MED13: variants seen among roughly 807,000 people sequenced by gnomAD.
MED13 encodes the protein mediator complex subunit 13, also known as mediator of RNA polymerase II transcription subunit 13.
MED13 carries 23 observed loss-of-function variants against 225.2 expected under a neutral mutation model. That is an observed-to-expected ratio of 0.10 (90% CI 0.07 to 0.14). MED13 has a LOEUF of 0.14. Among genes scored for constraint, MED13 ranks in the 10% least tolerant of loss-of-function variants. The pLI, the probability that MED13 is intolerant of heterozygous loss-of-function variation, is 1.00. For synonymous variants in MED13, 942 were observed against 889.2 expected (o/e 1.06, Z -1.06); for missense variants, 2,197 against 2,594.5 (o/e 0.85, Z 3.33).
intron 8 of MED13, among the ~76,000 whole-genome samples, chr17:62,026,575 G>C (rs1292331129): frequency 6.6e-6 from 1 of 151,538 alleles, no homozygotes; most frequent in Non-Finnish European, 1.5e-5. Context: ...AAATAGTATG[G>C]GGAGTCCTGG....
intron 17 of MED13, among the ~76,000 whole-genome samples, 199 bp downstream of exon 17, chr17:61,972,528 T>C (rs545058126): frequency 6.6e-6 from 1 of 152,200 alleles, no homozygotes; most frequent in Non-Finnish European, 1.5e-5. Flanking sequence ...GAGAAGCCAC[T>C]CCTTTTGAAG....
chr17:61,985,274 A>G (rs567708687), intron 12 of MED13, among the ~76,000 whole-genome samples, 184 bp from the exon 13 acceptor site: 1 of 152,328 alleles, frequency 6.6e-6, no homozygotes, highest in East Asian at 1.9e-4. Flanking sequence ...CTGACTCCAG[A>G]TTAATTTATT....
intron 22 of MED13, among the ~76,000 whole-genome samples, chr17:61,961,299 T>C (rs910609292): frequency 4.0e-5 from 6 of 151,864 alleles, no homozygotes; most frequent in Admixed American, 6.6e-5. Flanking sequence ...GAAGCACAGG[T>C]GGGCGATCAC....
rs1567976288 is a variant in MED13, at chr17:62,011,190, C to A, written c.1327G>T (p.Ala443Ser). ...TGTTGTTGCTGACCTAAAGATGGTGCCTGTCCTTGTTGTCCAGCATTTCTT... is the reference window on the plus strand; with the variant it reads ...TGTTGTTGCTGACCTAAAGATGGTGACTGTCCTTGTTGTCCAGCATTTCTT... ...KSRNAGQQGQAPSLGQQQQIL... is the reference protein window; with the variant it reads ...KSRNAGQQGQSPSLGQQQQIL... The change falls in exon 9 of 30, where the codon GCA (alanine) becomes TCA (serine). Residue 443 changes from alanine to serine, a missense_variant. Ala to Ser is a moderately conservative substitution (Grantham distance 99). Transcript: ENST00000397786. 6.8e-6 allele frequency: 11 copies of A among 1,613,324 alleles called. No homozygotes were observed. Among genetic ancestry groups the A allele is most frequent in the Non-Finnish European group, 9.3e-6 (11 of 1,179,706 alleles).
intron 1 of MED13, among the ~76,000 whole-genome samples, chr17:62,064,258 T>C (rs556197857): frequency 7.9e-5 from 12 of 152,348 alleles, no homozygotes; most frequent in Non-Finnish European, 1.3e-4. Flanking sequence ...TACTGTCCCA[T>C]ACAGGACAAG....
At position 62,015,246 on chromosome 17, in the gene MED13, G is replaced by A. The variant is rs181409756; in HGVS notation, c.1284-4013C>T. Among the ~76,000 whole-genome samples the A allele has an allele frequency of 4.6e-5, 7 of 152,236 alleles. No individual in the cohort carries two copies. In the East Asian group the frequency reaches 1.3e-3, roughly 29 times the overall value. ...ATTATATTCATGTAAGAAGATATTC[G>A]TATTTTTTAGAGCCGCATACTGAAG... On this transcript the variant is annotated intron_variant, in intron 8 of 29. Transcript: ENST00000397786.
chr17:62,015,965 T>A (rs1335771369), intron 8 of MED13, among the ~76,000 whole-genome samples: 4,238 of 37,322 alleles, frequency 0.11, 513 homozygotes, highest in East Asian at 0.42. Flanking sequence ...TTTTTTTTTT[T>A]TTTTTTTTTT....
intron 17 of MED13, among the ~76,000 whole-genome samples, chr17:61,969,446 TG>T (rs1353129526): frequency 6.6e-6 from 1 of 152,008 alleles, no homozygotes; most frequent in Non-Finnish European, 1.5e-5. Context: ...GAGACTGAGG[TG>T]GGAGGATTAC....
At chr17:62,017,772 A>AT (rs1037292254) in intron 8 of MED13, among the ~76,000 whole-genome samples, 5 of 152,188 alleles carry the variant, frequency 3.3e-5, no homozygotes, top group African/African-American at 1.2e-4. Flanking sequence ...AGCAAAAATA[A>AT]TTTTTATTAA....
intron 24 of MED13, 144 bp downstream of exon 24, chr17:61,956,195 T>G (rs1465040343): frequency 2.6e-6 from 2 of 771,650 alleles, no homozygotes; most frequent in African/African-American, 3.6e-5. Context: ...AAATTTGAAT[T>G]AAGCCATTTG....
Position 61,982,506 on chromosome 17 carries a change from A to C in MED13, c.3497T>G (p.Leu1166Arg). Residue 1166 changes from leucine (L) to arginine (R), a missense_variant, in exon 16 of 30, where the codon CTC becomes CGC. Leu to Arg is a moderately radical substitution (Grantham distance 102, BLOSUM62 -2). Transcript: ENST00000397786. ...GKEAEKRFEA[L>R]RATSAEHVNG... The stretch of plus-strand genomic sequence containing the variant: ...AACATGTTCAGCAGAGGTAGCCCTG[A>C]GAGCTTCAAAACGTTTTTCTGCTTC... 6.2e-7 allele frequency: 1 copy of C among 1,614,214 alleles called. No homozygotes were observed. The highest frequency in any genetic ancestry group is 8.5e-7 in the Non-Finnish European group (1 of 1,180,034).
At chr17:62,055,471 T>C (rs1382750886) in intron 2 of MED13, among the ~76,000 whole-genome samples, 1 of 152,160 alleles carries the variant, frequency 6.6e-6, no homozygotes, top group African/African-American at 2.4e-5. Context: ...CTGAAAATTT[T>C]ATGGTTTTAT....
chr17:61,994,993 G>C (rs1032073418), intron 10 of MED13, among the ~76,000 whole-genome samples, 159 bp downstream of exon 10: 4 of 152,194 alleles, frequency 2.6e-5, no homozygotes, highest in African/African-American at 9.7e-5. Context: ...TTACAGGCAT[G>C]AGCCACCGCA....
intron 3 of MED13, among the ~76,000 whole-genome samples, chr17:62,036,226 CTTTA>C (rs2080802383): frequency 6.6e-6 from 1 of 151,746 alleles, no homozygotes; most frequent in Non-Finnish European, 1.5e-5. Context: ...TGTTTTCTCA[CTTTA>C]TTAATTAATT....
intron 9 of MED13, among the ~76,000 whole-genome samples, chr17:61,996,293 G>A (rs1157462373): frequency 6.6e-6 from 1 of 152,190 alleles, no homozygotes; most frequent in Non-Finnish European, 1.5e-5. Context: ...CATAAGACAT[G>A]TTTAGACTCT....
At position 61,961,096 on chromosome 17, in the gene MED13, A is replaced by G. The variant is rs2079994754; in HGVS notation, c.5257-6T>C. 6.3e-7 allele frequency: 1 copy of G among 1,596,234 alleles called. No homozygotes were observed. Among genetic ancestry groups the G allele is most frequent in the Non-Finnish European group, 8.6e-7 (1 of 1,166,584 alleles). Reference sequence around the variant, plus strand: ...AGTCGAATACACTCTGGTCTCTATAAAATAAAAAATTAAGGTATTATCATA... The same window carrying G: ...AGTCGAATACACTCTGGTCTCTATAGAATAAAAAATTAAGGTATTATCATA... On this transcript the variant is annotated splice_region_variant and splice_polypyrimidine_tract_variant and intron_variant, in intron 22 of 29. Transcript: ENST00000397786.
At chr17:61,996,694 T>A (rs2080349696) in intron 9 of MED13, among the ~76,000 whole-genome samples, 1 of 152,206 alleles carries the variant, frequency 6.6e-6, no homozygotes, top group Non-Finnish European at 1.5e-5. Context: ...AATAGCAATA[T>A]GCCCATGCCC....
intron 9 of MED13, chr17:62,007,642 A>T: frequency 6.6e-6 from 1 of 152,100 alleles, no homozygotes; most frequent in East Asian, 1.9e-4. Context: ...AGGTCGGGAG[A>T]TCCAGACCAT....
At chr17:61,963,410 G>A (rs1022054841) in intron 20 of MED13, among the ~76,000 whole-genome samples, 2 of 151,780 alleles carry the variant, frequency 1.3e-5, no homozygotes, top group East Asian at 1.9e-4. Flanking sequence ...AAGAAACCAC[G>A]TTTCCAGACT....
Sources: allele counts gnomAD v4.1 joint callset (sites outside exome capture counted in the v4.1 genomes callset), GRCh38; gene constraint gnomAD v4.1.1; transcripts MANE v1.5; gene names NCBI Gene and HGNC (gene_info 2026-07-23, HGNC 2026-07-21).